Variants in PDPR observed in about 807,000 individuals in gnomAD.
The protein encoded by PDPR is pyruvate dehydrogenase phosphatase regulatory subunit, also known as pyruvate dehydrogenase phosphatase regulatory subunit, mitochondrial.
Under a neutral mutation model 102.2 loss-of-function variants are expected in PDPR, and 50 were observed. The observed-to-expected ratio is 0.49, with a 90% CI of 0.39 to 0.62. PDPR has a LOEUF of 0.62. Among genes scored for constraint, PDPR ranks in the 20% least tolerant of loss-of-function variants. The pLI is 0.00. For missense variants in PDPR, 625 were observed against 1,098.2 expected (o/e 0.57, Z 6.09); for synonymous variants, 259 against 406.0 (o/e 0.64, Z 4.35).
At chr16:70,133,111 CTT>C (rs140652740) in intron 9 of PDPR, among the ~76,000 whole-genome samples, 199 of 97,226 alleles carry the variant, frequency 2.0e-3, no homozygotes, top group African/African-American at 7.1e-3. Flanking sequence ...TACCCAGCTG[CTT>C]TTTTTTTTTT....
rs372379016 is a variant in PDPR, at chr16:70,155,723, T to G, written c.2236-752T>G. Among the ~76,000 whole-genome samples the G allele has an allele frequency of 4.6e-5, 7 of 152,306 alleles. No individual in the cohort carries two copies. The East Asian group carries it at 1.4e-3, about 29-fold the overall frequency. On this transcript the variant is annotated intron_variant, in intron 18 of 18. Transcript: ENST00000288050. Reference sequence around the variant, plus strand: ...CGTTAATAGTTTATTCTAGTCTTATTTGTTGTACATATGTGTATATATGTG... The same window carrying G: ...CGTTAATAGTTTATTCTAGTCTTATGTGTTGTACATATGTGTATATATGTG...
chr16:70,129,966 G>A (rs1466558191), intron 6 of PDPR, among the ~76,000 whole-genome samples: 1 of 152,268 alleles, frequency 6.6e-6, no homozygotes, highest in Non-Finnish European at 1.5e-5. Flanking sequence ...CATAGTCTCA[G>A]GATGTGATTC....
In PDPR at chr16:70,143,012, A is replaced by G. The variant is rs530851129; in HGVS notation, c.1605+326A>G. ...GGAGTTCAAGACCAGCCTGGCCAACATGGCGAAACCGTCTCTACCAAAAAT... is the reference window on the plus strand; with the variant it reads ...GGAGTTCAAGACCAGCCTGGCCAACGTGGCGAAACCGTCTCTACCAAAAAT... On this transcript the variant is annotated intron_variant, in intron 13 of 18. Coordinates refer to ENST00000288050, the MANE Select transcript of PDPR (RefSeq NM_017990.5). Among the ~76,000 whole-genome samples the G allele has an allele frequency of 4.6e-5, 7 of 152,400 alleles. No homozygotes were observed. In the East Asian group the frequency reaches 7.7e-4, roughly 17 times the overall value.
At chr16:70,133,580 G>T (rs1964782094) in intron 9 of PDPR, among the ~76,000 whole-genome samples, 1 of 152,018 alleles carries the variant, frequency 6.6e-6, no homozygotes, top group South Asian at 2.1e-4. Flanking sequence ...AACATGTCCA[G>T]CTAGTTTATG....
intron 8 of PDPR, chr16:70,131,858 G>A (rs1451874184): frequency 6.5e-5 from 93 of 1,422,234 alleles, no homozygotes; most frequent in Middle Eastern, 1.9e-4. Context: ...TTAAACTTTC[G>A]CTTGGCACAG....
chr16:70,156,774 G>C lies in PDPR; in HGVS notation c.2535G>C (p.Ala845=). The C allele has an allele frequency of 6.2e-7, 1 of 1,614,096 alleles. No homozygotes were observed. Among genetic ancestry groups the C allele is most frequent in the Non-Finnish European group, 8.5e-7 (1 of 1,179,908 alleles). ...GGGGAGAGTATGAGATTGACATCGC[G>C]GGATACCGCTTCCAGGCCAAGGCCA... is the stretch of plus-strand genomic sequence containing the variant. ...INRGEYEIDI[A]GYRFQAKAKL... is the part of the protein sequence containing the mutation. The change falls in exon 19 of 19, where the codon GCG becomes GCC. Residue 845 remains alanine (A), a synonymous_variant. Transcript: ENST00000288050.
chr16:70,156,281 G>A (rs139118814), intron 18 of PDPR, 194 bp from the exon 19 acceptor site: 19 of 645,928 alleles, frequency 2.9e-5, no homozygotes, highest in African/African-American at 7.3e-5. Context: ...AAAAATTACC[G>A]CGGCGTCTTT....
intron 3 of PDPR, among the ~76,000 whole-genome samples, chr16:70,125,641 CT>C (rs1172644206): frequency 4.0e-4 from 56 of 139,044 alleles, no homozygotes; most frequent in Admixed American, 5.1e-4. Context: ...CCTTTTCTTT[CT>C]TTTTTTTTTT....
At chr16:70,141,993 G>T (rs756774558) in intron 11 of PDPR, among the ~76,000 whole-genome samples, 31 of 152,236 alleles carry the variant, frequency 2.0e-4, no homozygotes, top group Non-Finnish European at 3.4e-4. Context: ...CCAGCTACTC[G>T]GGAGGCTGAG....
At chr16:70,132,719 C>T (rs1964666810) in intron 9 of PDPR, among the ~76,000 whole-genome samples, 1 of 152,128 alleles carries the variant, frequency 6.6e-6, no homozygotes, top group Non-Finnish European at 1.5e-5. Context: ...AACTCCAAGG[C>T]TCAAGTGATC....
At chr16:70,138,328 C>T (rs1965374328) in intron 10 of PDPR, among the ~76,000 whole-genome samples, 1 of 151,158 alleles carries the variant, frequency 6.6e-6, no homozygotes, top group South Asian at 2.1e-4. Context: ...AAGCAATTCT[C>T]CTTCCTCAGC....
intron 2 of PDPR, among the ~76,000 whole-genome samples, chr16:70,118,891 A>G (rs974324888): frequency 1.3e-5 from 2 of 152,130 alleles, no homozygotes; most frequent in African/African-American, 2.4e-5. Flanking sequence ...ATTGGTTGCA[A>G]TTCTGAGAGT....
chr16:70,163,213 G>T (rs1166863331), downstream of PDPR, among the ~76,000 whole-genome samples: 1 of 152,082 alleles, frequency 6.6e-6, no homozygotes, highest in Non-Finnish European at 1.5e-5. Flanking sequence ...CTCCCAAAGT[G>T]CTGGGATTAC....
At chr16:70,145,766 T>C in intron 15 of PDPR, 1 of 468,402 alleles carries the variant, frequency 2.1e-6, no homozygotes, top group East Asian at 6.6e-5. Context: ...TTAGGATATG[T>C]TTGAAGTGGA....
At chr16:70,126,889 A>G (rs1358683129) in intron 3 of PDPR, among the ~76,000 whole-genome samples, 4 of 152,128 alleles carry the variant, frequency 2.6e-5, no homozygotes, top group Non-Finnish European at 5.9e-5. Flanking sequence ...CTGTTGCCCA[A>G]GCTGGAGTGC....
chr16:70,153,369 A>G, intron 17 of PDPR, 22 bp from the exon 18 acceptor site: 1 of 1,604,400 alleles, frequency 6.2e-7, no homozygotes, highest in Non-Finnish European at 8.5e-7. Context: ...GCTGCTTATG[A>G]ACTTTCTGTC....
In PDPR at chr16:70,142,320, G is replaced by T. The variant is rs373152246; in HGVS notation, c.1402G>T (p.Ala468Ser). 9.4e-5 allele frequency: 151 copies of T among 1,613,828 alleles called. No individual in the cohort carries two copies. The highest frequency in any genetic ancestry group is 9.4e-5 in the Non-Finnish European group (111 of 1,179,818). The change falls in exon 12 of 19, where the codon GCA becomes TCA. Residue 468 changes from alanine to serine, a missense_variant. Ala to Ser is a moderately conservative substitution (Grantham distance 99). Transcript: ENST00000288050. ...CTCTCCTCTCTACGACCGGCTGGAT[G>T]CACAGGGAGCCAGGTGGATGGAGAA... is the stretch of plus-strand genomic sequence containing the variant. Reference protein sequence around the residue: ...RTSPLYDRLDAQGARWMEKHG... With the variant: ...RTSPLYDRLDSQGARWMEKHG...
intron 2 of PDPR, among the ~76,000 whole-genome samples, chr16:70,119,772 T>C (rs1963024193): frequency 7.5e-6 from 1 of 132,782 alleles, no homozygotes. Context: ...TGTATATTGA[T>C]TGGTGTTCTC....
intron 2 of PDPR, among the ~76,000 whole-genome samples, chr16:70,119,723 C>A (rs1963019915): frequency 6.7e-6 from 1 of 150,076 alleles, no homozygotes. Context: ...GTTACTCTAT[C>A]ATGTTAGCTT....
Sources: gnomAD v4.1 joint callset for allele counts (sites outside exome capture counted in the v4.1 genomes callset) on GRCh38, gnomAD v4.1.1 for gene constraint, MANE v1.5 for transcripts, NCBI Gene and HGNC (gene_info 2026-07-23, HGNC 2026-07-21) for gene names.